Variants in SLC2A9 observed in about 807,000 individuals in gnomAD.
SLC2A9 encodes solute carrier family 2, facilitated glucose transporter member 9.
SLC2A9 carries 39 observed loss-of-function variants against 50.6 expected under a neutral mutation model. The observed-to-expected ratio is 0.77, with a 90% CI of 0.60 to 1.01. The LOEUF is 1.01. Ranked by LOEUF, SLC2A9 falls within the 50% of genes least tolerant of loss-of-function variation. SLC2A9 has a pLI of 0.00. For synonymous variants in SLC2A9, 324 were observed against 276.9 expected (o/e 1.17, Z -1.69); for missense variants, 686 against 677.6 (o/e 1.01, Z -0.14).
chr4:10,035,318 G>A (rs1283752568), intron 1 of SLC2A9: 1 of 152,214 alleles, frequency 6.6e-6, no homozygotes, highest in Admixed American at 6.5e-5. Context: ...CCCTTGGCCT[G>A]GTGCCAGGCC....
At chr4:9,941,400 T>C (rs1035573926) in intron 6 of SLC2A9, among the ~76,000 whole-genome samples, 3 of 152,196 alleles carry the variant, frequency 2.0e-5, no homozygotes, top group Non-Finnish European at 2.9e-5. Context: ...CGAAGGACTG[T>C]TGGCAAGGTC....
At chr4:9,963,866 T>C (rs1474154593) in intron 5 of SLC2A9, among the ~76,000 whole-genome samples, 1 of 152,214 alleles carries the variant, frequency 6.6e-6, no homozygotes, top group East Asian at 1.9e-4. Context: ...ACCACCTGCT[T>C]CAAGATTCAG....
chr4:9,906,410 T>C (rs879873804), intron 8 of SLC2A9, among the ~76,000 whole-genome samples: 3 of 152,352 alleles, frequency 2.0e-5, no homozygotes, highest in Non-Finnish European at 4.4e-5. Flanking sequence ...GGTGATGATC[T>C]ACATGATTTT....
At chr4:9,926,025 G>A (rs899927918) in intron 6 of SLC2A9, among the ~76,000 whole-genome samples, 4 of 152,098 alleles carry the variant, frequency 2.6e-5, no homozygotes, top group Admixed American at 6.5e-5. Context: ...GATGGAGCCC[G>A]CCAGCCTCCC....
chr4:9,940,623 G>T (rs374372575), intron 6 of SLC2A9, among the ~76,000 whole-genome samples: 2 of 152,134 alleles, frequency 1.3e-5, no homozygotes, highest in Non-Finnish European at 1.5e-5. Context: ...TTTGGGAAAC[G>T]GAATTCATCC....
chr4:9,937,847 C>A (rs1241267878), intron 6 of SLC2A9, among the ~76,000 whole-genome samples: 1 of 152,072 alleles, frequency 6.6e-6, no homozygotes, highest in African/African-American at 2.4e-5. Context: ...AGGGAGTAAG[C>A]GAGGAGTTTA....
At chr4:9,949,269 A>C (rs1418853002) in intron 5 of SLC2A9, among the ~76,000 whole-genome samples, 1 of 152,190 alleles carries the variant, frequency 6.6e-6, no homozygotes, top group Non-Finnish European at 1.5e-5. Flanking sequence ...GGTGTTTAGT[A>C]AATGCCTGTT....
At chr4:9,925,797 G>A (rs1040005143) in intron 6 of SLC2A9, among the ~76,000 whole-genome samples, 2 of 152,102 alleles carry the variant, frequency 1.3e-5, no homozygotes, top group African/African-American at 4.8e-5. Context: ...AGCGGGGGAG[G>A]GCTGAGCAAA....
At chr4:9,771,714 T>C (rs1018244834) in intron 1 of SLC2A9, among the ~76,000 whole-genome samples, 4 of 152,218 alleles carry the variant, frequency 2.6e-5, no homozygotes, top group Non-Finnish European at 5.9e-5. Flanking sequence ...TGAGCTGTGC[T>C]AGAGGCAGGT....
chr4:9,794,158 G>T (rs2867385), downstream of SLC2A9, among the ~76,000 whole-genome samples: 132,785 of 145,054 alleles, frequency 0.92, 60,888 homozygotes, highest in Middle Eastern at 0.96. Flanking sequence ...CCTTTTTTTT[G>T]TGTGTGTGAT....
At position 9,826,352 on chromosome 4, in the gene SLC2A9, A is replaced by G. The variant is rs981544976; in HGVS notation, c.*45T>C. 1.3e-6 allele frequency: 2 copies of G among 1,592,130 alleles called. No individual in the cohort carries two copies. The highest frequency in any genetic ancestry group is 2.7e-5 in the African/African-American group (2 of 74,436). ...GAAAAGTGAGATCATCCATGTAGAC[A>G]ATCCTGTTTTTGACATAATTGTCCA... is the stretch of plus-strand genomic sequence containing the variant. On this transcript the variant is annotated 3_prime_UTR_variant, in exon 12 of 12. Coordinates refer to ENST00000264784, the MANE Select transcript of SLC2A9 (RefSeq NM_020041.3).
chr4:9,867,655 C>T (rs1346681373), intron 10 of SLC2A9, among the ~76,000 whole-genome samples: 1 of 152,158 alleles, frequency 6.6e-6, no homozygotes, highest in Non-Finnish European at 1.5e-5. Flanking sequence ...ACAGGGGAGC[C>T]TCACTCAACC....
At chr4:9,780,356 G>C (rs1425181941) in intron 3 of SLC2A9, among the ~76,000 whole-genome samples, 1 of 152,212 alleles carries the variant, frequency 6.6e-6, no homozygotes, top group East Asian at 1.9e-4. Flanking sequence ...GGAGAGACCA[G>C]AGGTGAGGAT....
At chr4:9,908,960 C>T (rs925572480) in intron 7 of SLC2A9, among the ~76,000 whole-genome samples, 2 of 152,074 alleles carry the variant, frequency 1.3e-5, no homozygotes, top group Non-Finnish European at 2.9e-5. Flanking sequence ...CCTCAGCAGC[C>T]TTTTTTGGAT....
At chr4:9,995,025 T>C (rs1015052337) in intron 3 of SLC2A9, among the ~76,000 whole-genome samples, 57 of 152,258 alleles carry the variant, frequency 3.7e-4, no homozygotes, top group African/African-American at 1.3e-3. Context: ...ATTCCCAGCA[T>C]TGGGAATTGG....
intron 1 of SLC2A9, among the ~76,000 whole-genome samples, chr4:9,772,806 C>T (rs1342722490): frequency 7.3e-6 from 1 of 136,496 alleles, no homozygotes; most frequent in African/African-American, 2.7e-5. Flanking sequence ...ATTAGGGATG[C>T]CATTTTATTT....
chr4:9,973,152 G>A (rs745594027), intron 5 of SLC2A9, among the ~76,000 whole-genome samples: 1 of 152,170 alleles, frequency 6.6e-6, no homozygotes, highest in East Asian at 1.9e-4. Flanking sequence ...TATCTTCAGA[G>A]ACTATTATGA....
At chr4:9,953,602 T>G (rs2108863506) in intron 5 of SLC2A9, among the ~76,000 whole-genome samples, 1 of 152,330 alleles carries the variant, frequency 6.6e-6, no homozygotes, top group South Asian at 2.1e-4. Flanking sequence ...CTCAGCCTAA[T>G]GCCCAGTTTA....
Position 9,938,025 on chromosome 4 carries a change from G to A in SLC2A9, c.814+3888C>T, listed in dbSNP as rs148657180. 3.0e-3 allele frequency among the ~76,000 whole-genome samples: 464 copies of A among 152,140 alleles called. 10 individuals are homozygous for A. Among genetic ancestry groups the A allele is most frequent in the Admixed American group, 0.027 (415 of 15,286 alleles). On this transcript the variant is annotated intron_variant, in intron 6 of 11. Coordinates refer to ENST00000264784, the MANE Select transcript of SLC2A9 (RefSeq NM_020041.3). The stretch of plus-strand genomic sequence containing the variant: ...TTTTATGTTCTCTTTGTTCCCCCCC[G>A]AACATTATGTCCTAAGCATGCCTTC...
Sources: gnomAD v4.1 joint callset for allele counts (sites outside exome capture counted in the v4.1 genomes callset) on GRCh38, gnomAD v4.1.1 for gene constraint, MANE v1.5 for transcripts, NCBI Gene and HGNC (gene_info 2026-07-23, HGNC 2026-07-21) for gene names.